DEPDC5: variants seen among roughly 807,000 people sequenced by gnomAD.
DEPDC5 encodes DEP domain containing 5, GATOR1 subcomplex subunit.
Under a neutral mutation model 217.3 loss-of-function variants are expected in DEPDC5, and 73 were observed. That is an observed-to-expected ratio of 0.34 (90% CI 0.28 to 0.41). The LOEUF (loss-of-function observed/expected upper bound fraction) is 0.41. Ranked by LOEUF, DEPDC5 falls within the 10% of genes least tolerant of loss-of-function variation. The probability of loss-of-function intolerance (pLI) is 1.00; values close to 1 mark genes in which losing one functional copy is unlikely to be tolerated. For synonymous variants in DEPDC5, 733 were observed against 756.7 expected, an observed-to-expected ratio of 0.97 and a Z score of 0.51; for missense variants, 1,675 against 2,070.1, an observed-to-expected ratio of 0.81 and a Z score of 3.70.
At chr22:31,901,601 C>A in intron 40 of DEPDC5, 141 bp from the exon 41 acceptor site, 1 of 673,444 alleles carries the variant, frequency 1.5e-6, no homozygotes, top group Non-Finnish European at 2.6e-6. Context: ...CAGTCTTTCT[C>A]AAAGGGCGTA....
intron 21 of DEPDC5, chr22:31,815,640 C>T: frequency 1.8e-6 from 1 of 571,340 alleles, no homozygotes; most frequent in East Asian, 3.0e-5. Context: ...CTCAATTGAT[C>T]CTCCCACTTC....
Position 31,778,154 on chromosome 22 carries a change from A to T in DEPDC5, c.469A>T (p.Ser157Cys), listed in dbSNP as rs201225084. 5 of 1,614,080 alleles carry T rather than the reference A, an allele frequency of 3.1e-6. No homozygotes were observed. Among genetic ancestry groups the T allele is most frequent in the Non-Finnish European group, 4.2e-6 (5 of 1,180,010 alleles). ...TGAGAAGGTCATGTGTGGCTACATCAGTGAAGATACCAGGGTAAGATTTAT... is the reference window on the plus strand; with the variant it reads ...TGAGAAGGTCATGTGTGGCTACATCTGTGAAGATACCAGGGTAAGATTTAT... ...KNEKVMCGYISEDTRVVFRST... is the reference protein window; with the variant it reads ...KNEKVMCGYICEDTRVVFRST... Residue 157 changes from serine to cysteine, a missense_variant, in exon 8 of 43, where the codon AGT (serine) becomes TGT (cysteine). Transcript: ENST00000651528.
chr22:31,802,558 C>T, intron 14 of DEPDC5, 146 bp from the exon 15 acceptor site: 1 of 911,134 alleles, frequency 1.1e-6, no homozygotes. Context: ...AGAGAAAAGA[C>T]AGATGCGTAT....
intron 34 of DEPDC5, among the ~76,000 whole-genome samples, chr22:31,871,938 C>T (rs1041892555): frequency 2.0e-5 from 3 of 152,348 alleles, no homozygotes; most frequent in Middle Eastern, 3.4e-3. Context: ...TGCCCAGACA[C>T]GTGGTCTCAG....
intron 40 of DEPDC5, among the ~76,000 whole-genome samples, chr22:31,898,138 G>T (rs1050436412): frequency 7.2e-5 from 11 of 152,166 alleles, no homozygotes; most frequent in Non-Finnish European, 1.5e-5. Flanking sequence ...GTCAGCCTCT[G>T]GAATGGTGCG....
At chr22:31,876,082 T>C in intron 36 of DEPDC5, 75 bp from the exon 37 acceptor site, 1 of 1,367,612 alleles carries the variant, frequency 7.3e-7, no homozygotes. Context: ...CTCCCTTGTC[T>C]CCAGAGCATG....
At chr22:31,808,946 A>G (rs77115008) in intron 18 of DEPDC5, among the ~76,000 whole-genome samples, 14 of 151,956 alleles carry the variant, frequency 9.2e-5, no homozygotes, top group Middle Eastern at 3.4e-3. Flanking sequence ...TATATATATA[A>G]AAATAGAGAT....
At chr22:31,793,270 TG>T (rs764081776) in intron 12 of DEPDC5, among the ~76,000 whole-genome samples, 54 of 152,290 alleles carry the variant, frequency 3.5e-4, no homozygotes, top group Non-Finnish European at 6.9e-4. Context: ...GAAATTCAGA[TG>T]TTTTTTAGAT....
chr22:31,862,385 C>G (rs1346962670), intron 33 of DEPDC5, among the ~76,000 whole-genome samples: 1 of 151,804 alleles, frequency 6.6e-6, no homozygotes, highest in African/African-American at 2.4e-5. Flanking sequence ...GCCAACATGG[C>G]AAAACCCCAT....
intron 38 of DEPDC5, among the ~76,000 whole-genome samples, chr22:31,880,657 T>C (rs2093148922): frequency 6.6e-6 from 1 of 152,176 alleles, no homozygotes; most frequent in Admixed American, 6.5e-5. Context: ...CCCAGCACTT[T>C]GGGAGGCTGA....
At chr22:31,799,712 G>A (rs1172323753) in intron 14 of DEPDC5, among the ~76,000 whole-genome samples, 1 of 150,752 alleles carries the variant, frequency 6.6e-6, no homozygotes, top group African/African-American at 2.4e-5. Flanking sequence ...GTATTGGCCA[G>A]GCTGGTCTCG....
rs764133363 is a variant in DEPDC5 at position 31,765,036 on chromosome 22, C to G, written c.255C>G (p.Val85=). 1.5e-5 allele frequency: 25 copies of G among 1,613,958 alleles called. No individual in the cohort carries two copies. Among genetic ancestry groups the G allele is most frequent in the Non-Finnish European group, 2.1e-5 (25 of 1,179,872 alleles). The change falls in exon 5 of 43, where the codon GTC becomes GTG. Residue 85 remains valine (V), a synonymous_variant. Transcript: ENST00000651528. The part of the protein sequence containing the change: ...QVFRLRPYQD[V]YVNVVDPKDV... ...TCCGGCTGAGACCTTATCAGGATGT[C>G]TATGTTAATGTCGTAGACCCTAAGG...
chr22:31,885,734 A>G (rs2093292767), intron 38 of DEPDC5, among the ~76,000 whole-genome samples: 1 of 146,220 alleles, frequency 6.8e-6, no homozygotes, highest in South Asian at 2.2e-4. Flanking sequence ...CAAAAAAAAA[A>G]AAAAAAAAGA....
chr22:31,805,216 C>G (rs2087367361), intron 17 of DEPDC5: 1 of 198,804 alleles, frequency 5.0e-6, no homozygotes, highest in African/African-American at 2.3e-5. Context: ...TACCTGACCT[C>G]CTTCAGCTCT....
At chr22:31,862,234 C>T (rs2092541921) in intron 33 of DEPDC5, among the ~76,000 whole-genome samples, 1 of 151,256 alleles carries the variant, frequency 6.6e-6, no homozygotes, top group South Asian at 2.1e-4. Context: ...AAGAGCGAAA[C>T]TCCATCTCAA....
chr22:31,879,063 T>C (rs374998571), intron 37 of DEPDC5, among the ~76,000 whole-genome samples: 13 of 135,374 alleles, frequency 9.6e-5, no homozygotes, highest in African/African-American at 3.4e-4. Context: ...TATATATATA[T>C]ATATACACAC....
chr22:31,763,109 GCCT>G (rs2082536238), intron 4 of DEPDC5, among the ~76,000 whole-genome samples: 1 of 152,094 alleles, frequency 6.6e-6, no homozygotes, highest in African/African-American at 2.4e-5. Context: ...TCCTGCCTCA[GCCT>G]CCTCAGTAGC....
At chr22:31,791,711 G>A (rs137924139) in intron 10 of DEPDC5, among the ~76,000 whole-genome samples, 3,739 of 150,798 alleles carry the variant, frequency 0.025, 61 homozygotes, top group African/African-American at 0.041. Context: ...GGCGGATCAC[G>A]AGGTCAGGAG....
chr22:31,809,416 T>C (rs1228896218), intron 18 of DEPDC5, among the ~76,000 whole-genome samples, 195 bp from the exon 19 acceptor site: 1 of 152,170 alleles, frequency 6.6e-6, no homozygotes, highest in African/African-American at 2.4e-5. Flanking sequence ...ATTCCCCCAG[T>C]GGACAGGTTT....
Sources: gnomAD v4.1 joint callset for allele counts (sites outside exome capture counted in the v4.1 genomes callset) on GRCh38, gnomAD v4.1.1 for gene constraint, MANE v1.5 for transcripts, NCBI Gene and HGNC (gene_info 2026-07-23, HGNC 2026-07-21) for gene names.